The following MAML2 variants were observed in gnomAD, a reference collection of about 807,000 sequenced individuals.
MAML2 encodes the protein mastermind like transcriptional coactivator 2.
In MAML2, 22 loss-of-function variants were observed where a neutral mutation model predicts 96.1. The ratio of observed to expected loss-of-function variants is 0.23; its 90% confidence interval spans 0.16 to 0.33. The LOEUF (loss-of-function observed/expected upper bound fraction) is 0.33. Among genes scored for constraint, MAML2 ranks in the 10% least tolerant of loss-of-function variants. The probability of loss-of-function intolerance (pLI) is 1.00; values close to 1 mark genes in which losing one functional copy is unlikely to be tolerated. For synonymous variants in MAML2, 561 were observed against 521.3 expected (o/e 1.08, Z -1.04); for missense variants, 1,367 against 1,392.4 (o/e 0.98, Z 0.29).
At chr11:96,043,482 T>C (rs1858849208) in intron 2 of MAML2, among the ~76,000 whole-genome samples, 1 of 152,248 alleles carries the variant, frequency 6.6e-6, no homozygotes. Flanking sequence ...TATACTTTAA[T>C]GGTCACTGGT....
chr11:96,275,989 T>C (rs1240486364), intron 1 of MAML2, among the ~76,000 whole-genome samples: 3 of 152,150 alleles, frequency 2.0e-5, no homozygotes, highest in Non-Finnish European at 4.4e-5. Context: ...ATGTCTAGCA[T>C]GGTGAGTAGG....
intron 1 of MAML2, among the ~76,000 whole-genome samples, chr11:96,099,793 T>C (rs1184030220): frequency 2.0e-5 from 3 of 152,162 alleles, no homozygotes; most frequent in Non-Finnish European, 2.9e-5. Flanking sequence ...GTTTTTACTT[T>C]TTTAAAGACA....
rs529259902 is a variant in MAML2, at chr11:96,118,078, G to C, written c.514-24561C>G. ...GCAGATGCAAAGTTGACTTATATTT[G>C]ATTTCAGTGTTCAGGAAGCACATCA... On this transcript the variant is annotated intron_variant, in intron 1 of 4. Transcript: ENST00000524717. Among the ~76,000 whole-genome samples the C allele has an allele frequency of 5.3e-5, 8 of 152,234 alleles. No individual in the cohort carries two copies. The South Asian group carries it at 1.7e-3, about 32-fold the overall frequency.
intron 1 of MAML2, among the ~76,000 whole-genome samples, chr11:96,196,415 G>A (rs942949947): frequency 5.9e-5 from 9 of 152,226 alleles, no homozygotes; most frequent in Non-Finnish European, 2.9e-5. Context: ...TTGGGGAAAT[G>A]CTATCTTGTT....
chr11:96,193,377 C>CA (rs1024655399), intron 1 of MAML2, among the ~76,000 whole-genome samples: 77 of 151,208 alleles, frequency 5.1e-4, no homozygotes, highest in African/African-American at 1.2e-3. Flanking sequence ...TCAACAACAA[C>CA]AAAAAAAAAT....
intron 1 of MAML2, among the ~76,000 whole-genome samples, chr11:96,324,727 C>T (rs1032264665): frequency 1.3e-5 from 2 of 152,220 alleles, no homozygotes; most frequent in Non-Finnish European, 2.9e-5. Context: ...AATCACTTCT[C>T]AGCAAAGAGC....
intron 1 of MAML2, among the ~76,000 whole-genome samples, chr11:96,326,595 G>A (rs1863786079): frequency 6.6e-6 from 1 of 151,852 alleles, no homozygotes. Context: ...AGGAGTTCGA[G>A]ACCAGCCTGG....
At chr11:96,085,959 A>C (rs1466240906) in intron 2 of MAML2, among the ~76,000 whole-genome samples, 1 of 152,246 alleles carries the variant, frequency 6.6e-6, no homozygotes, top group Non-Finnish European at 1.5e-5. Context: ...CAGCAAAGAG[A>C]GTTCTATTCT....
At chr11:95,997,181 T>G (rs1428953881) in intron 2 of MAML2, among the ~76,000 whole-genome samples, 1 of 152,178 alleles carries the variant, frequency 6.6e-6, no homozygotes, top group Non-Finnish European at 1.5e-5. Flanking sequence ...ATTACAGAGT[T>G]TGGTTCTAAC....
At chr11:96,257,791 A>G (rs973815941) in intron 1 of MAML2, among the ~76,000 whole-genome samples, 8 of 152,176 alleles carry the variant, frequency 5.3e-5, no homozygotes, top group Non-Finnish European at 1.2e-4. Flanking sequence ...GGTGATGGGA[A>G]GAAGAGGAGA....
chr11:96,336,934 C>T (rs1464907699), intron 1 of MAML2, among the ~76,000 whole-genome samples: 21 of 152,152 alleles, frequency 1.4e-4, no homozygotes, highest in Admixed American at 3.9e-4. Flanking sequence ...AAAGCAGATG[C>T]CTTCTATAAA....
At chr11:96,023,394 C>T (rs987540043) in intron 2 of MAML2, among the ~76,000 whole-genome samples, 4 of 152,188 alleles carry the variant, frequency 2.6e-5, no homozygotes, top group African/African-American at 4.8e-5. Flanking sequence ...ACCCACTTGC[C>T]GAGCCCAGCC....
Position 95,977,788 on chromosome 11 carries a change from A to C in MAML2, c.*1160T>G. On this transcript the variant is annotated 3_prime_UTR_variant, in exon 5 of 5. Transcript: ENST00000524717. ...AGAACAAACAGAATGCTCCTAACAG[A>C]CCACATTCCATTTTGTTGCTCACCC... 4.4e-6 allele frequency: 1 copy of C among 225,846 alleles called. No homozygotes were observed. Among genetic ancestry groups the C allele is most frequent in the Non-Finnish European group, 8.8e-6 (1 of 113,354 alleles). 14.0% of individuals were successfully genotyped at this position (225,846 alleles called of 1,614,324 possible). A position where few individuals can be genotyped will look rare whatever the true frequency, so the allele number is the denominator to read the frequency against.
chr11:96,311,932 T>A (rs975264857), intron 1 of MAML2, among the ~76,000 whole-genome samples: 1 of 152,094 alleles, frequency 6.6e-6, no homozygotes, highest in South Asian at 2.1e-4. Flanking sequence ...CTGATAAAGA[T>A]CTATGTAGCT....
intron 1 of MAML2, among the ~76,000 whole-genome samples, chr11:96,190,558 T>G (rs555730814): frequency 6.6e-6 from 1 of 152,320 alleles, no homozygotes; most frequent in East Asian, 1.9e-4. Flanking sequence ...GATGACTTAG[T>G]GAAATTTATG....
chr11:96,316,937 G>T (rs1370988357), intron 1 of MAML2, among the ~76,000 whole-genome samples: 1 of 152,144 alleles, frequency 6.6e-6, no homozygotes, highest in Non-Finnish European at 1.5e-5. Context: ...CAGATAGTTG[G>T]ACTCCTCCTC....
At chr11:96,289,719 G>A (rs184381641) in intron 1 of MAML2, among the ~76,000 whole-genome samples, 184 of 152,180 alleles carry the variant, frequency 1.2e-3, no homozygotes, top group Admixed American at 2.2e-3. Context: ...GTATGATTAC[G>A]TTTACTTTTA....
At chr11:96,135,372 C>T (rs907089160) in intron 1 of MAML2, among the ~76,000 whole-genome samples, 1 of 152,092 alleles carries the variant, frequency 6.6e-6, no homozygotes, top group African/African-American at 2.4e-5. Context: ...CAACACAAAA[C>T]GGACTAAGAC....
chr11:96,204,204 A>G (rs1292274413), intron 1 of MAML2, among the ~76,000 whole-genome samples: 1 of 152,182 alleles, frequency 6.6e-6, no homozygotes, highest in African/African-American at 2.4e-5. Context: ...GGGCAAATGG[A>G]AGACATGTGA....
Sources: allele counts gnomAD v4.1 joint callset (sites outside exome capture counted in the v4.1 genomes callset), GRCh38; gene constraint gnomAD v4.1.1; transcripts MANE v1.5; gene names NCBI Gene and HGNC (gene_info 2026-07-23, HGNC 2026-07-21).